The following GRK4 variants were observed in gnomAD, a reference collection of about 807,000 sequenced individuals.
GRK4 encodes G protein-coupled receptor kinase 4, also known as G protein-coupled receptor kinase 2-like.
In GRK4, 73 loss-of-function variants were observed where a neutral mutation model predicts 77.9. The ratio of observed to expected loss-of-function variants is 0.94; its 90% CI spans 0.78 to 1.14. GRK4 has a LOEUF of 1.14. Among genes scored for constraint, GRK4 ranks in the 50% most tolerant of loss-of-function variants. The probability of loss-of-function intolerance (pLI) is 0.00; values close to 1 mark genes in which losing one functional copy is unlikely to be tolerated. For missense variants in GRK4, 729 were observed against 700.2 expected (o/e 1.04, Z -0.46); for synonymous variants, 257 against 254.4 (o/e 1.01, Z -0.10).
At chr4:3,011,421 A>C (rs1249204235) in intron 7 of GRK4, among the ~76,000 whole-genome samples, 1 of 152,192 alleles carries the variant, frequency 6.6e-6, no homozygotes, top group Non-Finnish European at 1.5e-5. Context: ...TCTCTATTTA[A>C]ATATTTAATA....
intron 10 of GRK4, among the ~76,000 whole-genome samples, chr4:3,025,296 C>G (rs766191794): frequency 3.8e-4 from 57 of 150,120 alleles, no homozygotes; most frequent in Non-Finnish European, 6.4e-4. Flanking sequence ...AAAAGTCACT[C>G]AGTATCATTC....
At chr4:2,996,891 C>A (rs948407510) in intron 4 of GRK4, among the ~76,000 whole-genome samples, 10 of 152,018 alleles carry the variant, frequency 6.6e-5, no homozygotes, top group African/African-American at 2.4e-4. Flanking sequence ...TTTAAAACAG[C>A]AAGAATAAAC....
chr4:3,019,643 T>C lies in GRK4; in HGVS notation c.744T>C (p.Val248=). The change falls in exon 9 of 16, where the codon GTT becomes GTC. Residue 248 remains valine (V), a splice_region_variant and synonymous_variant. Transcript: ENST00000398052. ...ILEKVQSRFV[V]SLAYAYETKD... is the part of the protein sequence containing the mutation. ...TTTTATGATGTTGCTGTCTTTAGGT[T>C]AGTTTAGCCTACGCTTATGAAACCA... 1 of 1,606,926 alleles carries C rather than the reference T, an allele frequency of 6.2e-7. No homozygotes were observed. The highest frequency in any genetic ancestry group is 8.5e-7 in the Non-Finnish European group (1 of 1,175,960).
intron 1 of GRK4, among the ~76,000 whole-genome samples, chr4:2,974,567 T>C (rs777638663): frequency 2.0e-5 from 3 of 152,234 alleles, no homozygotes; most frequent in Non-Finnish European, 4.4e-5. Context: ...GAATATCTCC[T>C]TCTGAGAAGC....
chr4:2,996,190 A>G (rs920528595), intron 4 of GRK4, among the ~76,000 whole-genome samples: 2 of 152,214 alleles, frequency 1.3e-5, no homozygotes, highest in African/African-American at 2.4e-5. Flanking sequence ...ATGTGGACAC[A>G]AAAGGGGGCA....
At chr4:3,001,089 A>ATATATATATATGTGTGTGTG in intron 4 of GRK4, among the ~76,000 whole-genome samples, 3,629 of 82,238 alleles carry the variant, frequency 0.044, 532 homozygotes, top group Middle Eastern at 0.083. Context: ...ATATATATAT[A>ATATATATATATGTGTGTGTG]TGTGTGTGTG....
chr4:2,992,288 A>C lies in GRK4; in HGVS notation c.335A>C (p.Asp112Ala). ...TCAATCTTAGATAGATTCTTCAATG[A>C]TAAGGTGTGTTTTCTTCTTTAGAAT... ...GLSILDRFFN[D>A]KLAAPLPEIP... is the part of the protein sequence containing the mutation. The change falls in exon 4 of 16, where the codon GAT becomes GCT. Residue 112 changes from aspartate to alanine, a missense_variant. Physicochemically the swap from Asp to Ala is moderately radical, Grantham distance 126. Transcript: ENST00000398052. 1 of 1,591,366 alleles carries C rather than the reference A, an allele frequency of 6.3e-7. No individual in the cohort carries two copies. Among genetic ancestry groups the C allele is most frequent in the Non-Finnish European group, 8.6e-7 (1 of 1,159,688 alleles).
intron 4 of GRK4, among the ~76,000 whole-genome samples, chr4:3,002,265 C>T (rs1305426192): frequency 6.6e-6 from 1 of 152,074 alleles, no homozygotes; most frequent in Non-Finnish European, 1.5e-5. Context: ...CGTGCAGTCA[C>T]TCAAGAAAGT....
At chr4:2,973,266 T>C (rs1577959257) in intron 1 of GRK4, among the ~76,000 whole-genome samples, 1 of 152,254 alleles carries the variant, frequency 6.6e-6, no homozygotes, top group East Asian at 1.9e-4. Flanking sequence ...GCTTGGCTGG[T>C]CCCCCCTTAT....
At chr4:2,983,734 G>T (rs546009573) in intron 1 of GRK4, among the ~76,000 whole-genome samples, 1 of 152,156 alleles carries the variant, frequency 6.6e-6, no homozygotes, top group African/African-American at 2.4e-5. Flanking sequence ...CCCTGTATTA[G>T]TCCATTTTCA....
At chr4:3,035,252 G>GAA in intron 12 of GRK4, 134 bp from the exon 13 acceptor site, 4 of 923,048 alleles carry the variant, frequency 4.3e-6, no homozygotes, top group Non-Finnish European at 6.9e-6. Flanking sequence ...CTCAAAAAAA[G>GAA]AAAAAAAAAG....
At chr4:2,980,159 C>A (rs1400330211) in intron 1 of GRK4, among the ~76,000 whole-genome samples, 2 of 152,204 alleles carry the variant, frequency 1.3e-5, no homozygotes, top group African/African-American at 4.8e-5. Flanking sequence ...CAGTGCCTGG[C>A]ACACTGGACA....
chr4:3,013,610 C>G (rs761909896), intron 7 of GRK4, 78 bp from the exon 8 acceptor site: 13 of 1,513,640 alleles, frequency 8.6e-6, no homozygotes, highest in African/African-American at 1.4e-5. Flanking sequence ...AGGGTCTCAT[C>G]AAGCAAAGAG....
intron 3 of GRK4, among the ~76,000 whole-genome samples, chr4:2,990,003 C>G (rs1725639421): frequency 6.6e-6 from 1 of 152,032 alleles, no homozygotes; most frequent in Non-Finnish European, 1.5e-5. Context: ...ATTGTATCGG[C>G]AAATATGTAT....
chr4:3,038,033 T>A (rs1741315688), intron 14 of GRK4, among the ~76,000 whole-genome samples: 2 of 151,944 alleles, frequency 1.3e-5, no homozygotes, highest in African/African-American at 2.4e-5. Flanking sequence ...CTGGTCCCAA[T>A]GACAGGAAGT....
intron 10 of GRK4, among the ~76,000 whole-genome samples, chr4:3,025,593 C>T (rs917505859): frequency 8.2e-4 from 124 of 151,552 alleles, no homozygotes; most frequent in African/African-American, 2.5e-3. Flanking sequence ...GGGGTTTCAC[C>T]GTGTTAGCCA....
Position 2,963,760 on chromosome 4 carries a change from G to A in GRK4, c.-311G>A, listed in dbSNP as rs1716442912. On this transcript the variant is annotated 5_prime_UTR_variant, in exon 1 of 16. Coordinates refer to ENST00000398052, the MANE Select transcript of GRK4 (RefSeq NM_182982.3). ...CTGAGGAGGGAGTTGCGCGCGCGAG[G>A]CGAGGGCGATGGGGCCAAGAAGAAC... is the stretch of plus-strand genomic sequence containing the variant. The A allele has an allele frequency of 1.5e-5, 7 of 471,116 alleles. No homozygotes were observed. The highest frequency in any genetic ancestry group is 6.3e-5 in the African/African-American group (3 of 47,990). The allele number at this position is 471,116 out of a possible 1,614,324, so 29.2% of individuals were successfully genotyped here. A position where few individuals can be genotyped will look rare whatever the true frequency, so the allele number is the denominator to read the frequency against.
chr4:3,034,552 A>G (rs1740070293), intron 12 of GRK4, among the ~76,000 whole-genome samples: 1 of 152,176 alleles, frequency 6.6e-6, no homozygotes, highest in African/African-American at 2.4e-5. Flanking sequence ...GCTTTTGAGC[A>G]CAGCCCTGCT....
chr4:3,005,849 C>G (rs1731169442), intron 5 of GRK4, among the ~76,000 whole-genome samples: 2 of 152,114 alleles, frequency 1.3e-5, no homozygotes, highest in South Asian at 2.1e-4. Context: ...GGCTTTCTCT[C>G]TCTATCTGGC....
Sources: allele counts gnomAD v4.1 joint callset (sites outside exome capture counted in the v4.1 genomes callset), GRCh38; gene constraint gnomAD v4.1.1; transcripts MANE v1.5; gene names NCBI Gene and HGNC (gene_info 2026-07-23, HGNC 2026-07-21).